Variants in SLC7A14 observed in about 807,000 individuals in gnomAD.
SLC7A14 encodes the protein gamma-aminobutyric acid transporter SLC7A14.
In SLC7A14, 37 loss-of-function variants were observed where a neutral mutation model predicts 60.2. The observed-to-expected ratio is 0.61, with a 90% CI of 0.47 to 0.81. The LOEUF (loss-of-function observed/expected upper bound fraction) is 0.81. SLC7A14 is among the 30% of genes least tolerant of loss of function. SLC7A14 has a pLI of 0.00. For missense variants in SLC7A14, 886 were observed against 982.7 expected, an observed-to-expected ratio of 0.90 and a Z score of 1.32; for synonymous variants, 399 against 395.8, an observed-to-expected ratio of 1.01 and a Z score of -0.10.
rs1713710344 is a variant in SLC7A14, at chr3:170,532,588, G to A, written c.-152-5500C>T. The stretch of plus-strand genomic sequence containing the variant: ...AGGAGTGGAAGAGCTAATACGTGTA[G>A]AGCTTTTAGTACCGCGCCTGGCGTA... On this transcript the variant is annotated intron_variant, in intron 1 of 7. Transcript: ENST00000231706. This position sits in a 1 kb window ranked among gnomAD's most constrained non-coding sequence, Gnocchi z 4.0. Among the ~76,000 whole-genome samples the A allele has an allele frequency of 6.6e-6, 1 of 152,214 alleles. No homozygotes were observed. The highest frequency in any genetic ancestry group is 2.4e-5 in the African/African-American group (1 of 41,458).
Position 170,578,744 on chromosome 3 carries a change from G to A in SLC7A14, c.-153+7167C>T, listed in dbSNP as rs150598971. Reference sequence around the variant, plus strand: ...AATCTTGATTTATGTTTAATTCTTCGGTCTTAAGGAGGCAAATAATGGATT... The same window carrying A: ...AATCTTGATTTATGTTTAATTCTTCAGTCTTAAGGAGGCAAATAATGGATT... On this transcript the variant is annotated intron_variant, in intron 1 of 7. Coordinates refer to ENST00000231706, the MANE Select transcript of SLC7A14 (RefSeq NM_020949.3). Among the ~76,000 whole-genome samples the A allele has an allele frequency of 1.5e-4, 23 of 152,154 alleles. No individual in the cohort carries two copies. In the East Asian group the frequency reaches 3.7e-3, roughly 24 times the overall value.
intron 1 of SLC7A14, among the ~76,000 whole-genome samples, chr3:170,581,001 G>C (rs888562700): frequency 6.6e-6 from 1 of 152,200 alleles, no homozygotes; most frequent in African/African-American, 2.4e-5. Flanking sequence ...CAAAGTGCGG[G>C]AGTAGGTCAT....
intron 4 of SLC7A14, chr3:170,496,162 C>T (rs1335675837): frequency 2.2e-5 from 20 of 908,366 alleles, no homozygotes; most frequent in Admixed American, 6.8e-5. Flanking sequence ...GGCACGTCTG[C>T]GGTGCTGTCC....
chr3:170,570,562 G>T (rs967328498), intron 1 of SLC7A14: 2 of 152,120 alleles, frequency 1.3e-5, no homozygotes, highest in Non-Finnish European at 1.5e-5. Flanking sequence ...ATTAGTTAAT[G>T]GCTTAATGAT....
At position 170,480,526 on chromosome 3, in the gene SLC7A14, C is replaced by T. The variant is rs1200569509; in HGVS notation, c.1756G>A (p.Gly586Ser). ...CTCTGCTCTGAGATGTAGTCAGAAC[C>T]AAAGATGATGAAGGAGCAGAAGATG... The part of the protein sequence containing the change: ...MFIFCSFIIF[G>S]SDYISEQSWW... Residue 586 changes from glycine to serine, a missense_variant, in exon 7 of 8, where the codon GGT becomes AGT. Physicochemically the swap from Gly to Ser is moderately conservative, Grantham distance 56. Transcript: ENST00000231706. 8 of 1,614,132 alleles carry T rather than the reference C, an allele frequency of 5.0e-6. No homozygotes were observed. Among genetic ancestry groups the T allele is most frequent in the Non-Finnish European group, 6.8e-6 (8 of 1,180,024 alleles).
At chr3:170,512,182 C>A (rs1314643738) in intron 2 of SLC7A14, among the ~76,000 whole-genome samples, 1 of 152,150 alleles carries the variant, frequency 6.6e-6, no homozygotes, top group Non-Finnish European at 1.5e-5. Context: ...TACCCCCTGC[C>A]CTGAGATTAC....
intron 2 of SLC7A14, among the ~76,000 whole-genome samples, chr3:170,515,166 A>G (rs566716668): frequency 6.6e-6 from 1 of 152,008 alleles, no homozygotes; most frequent in South Asian, 2.1e-4. Flanking sequence ...TACAAAAATT[A>G]TCCCTGCAGG....
At chr3:170,560,611 G>GA (rs1166772728) in intron 1 of SLC7A14, among the ~76,000 whole-genome samples, 1 of 152,118 alleles carries the variant, frequency 6.6e-6, no homozygotes, top group Non-Finnish European at 1.5e-5. Context: ...CGGATGCACA[G>GA]AAAAAATAAG....
Position 170,483,490 on chromosome 3 carries a change from A to G in SLC7A14, c.939T>C (p.Tyr313=), listed in dbSNP as rs762647253. The G allele has an allele frequency of 6.8e-6, 11 of 1,614,092 alleles. No homozygotes were observed. The highest frequency in any genetic ancestry group is 6.6e-5 in the South Asian group (6 of 91,086). Residue 313 remains tyrosine, a synonymous_variant, in exon 6 of 8, where the codon TAT becomes TAC. Transcript: ENST00000231706. ...GTGGGGATTCCGTGTCAATGGTATAATATGGCACCATCAGAGTTAAGATCA... is the reference window on the plus strand; with the variant it reads ...GTGGGGATTCCGTGTCAATGGTATAGTATGGCACCATCAGAGTTAAGATCA... ...VSVILTLMVP[Y]YTIDTESPLM... is the part of the protein sequence containing the mutation.
chr3:170,485,014 G>A (rs1317304049), intron 5 of SLC7A14, among the ~76,000 whole-genome samples: 8 of 152,076 alleles, frequency 5.3e-5, no homozygotes, highest in Non-Finnish European at 1.2e-4. Flanking sequence ...TGTGATAAGG[G>A]CCCACTCCTG....
At chr3:170,494,638 C>A (rs916963771) in intron 4 of SLC7A14, among the ~76,000 whole-genome samples, 5 of 152,154 alleles carry the variant, frequency 3.3e-5, no homozygotes, top group Non-Finnish European at 7.3e-5. Flanking sequence ...AGAGTGTGTG[C>A]CGTTTGGGTG....
intron 1 of SLC7A14, among the ~76,000 whole-genome samples, chr3:170,550,277 A>C (rs1714305764): frequency 6.6e-6 from 1 of 152,220 alleles, no homozygotes; most frequent in Non-Finnish European, 1.5e-5. Flanking sequence ...CTAGAAGGCA[A>C]TTAATTTGTA....
At chr3:170,498,072 G>T (rs16855149) in intron 4 of SLC7A14, among the ~76,000 whole-genome samples, 57,026 of 152,110 alleles carry the variant, frequency 0.37, 12,535 homozygotes, top group African/African-American at 0.63. Context: ...TTTTCCTAGT[G>T]TCATACCCAG....
intron 1 of SLC7A14, among the ~76,000 whole-genome samples, chr3:170,554,906 C>T (rs1714445823): frequency 2.0e-5 from 3 of 152,108 alleles, no homozygotes; most frequent in African/African-American, 7.2e-5. Context: ...CGGTGGCTCA[C>T]GCCTGTAATC....
At chr3:170,574,730 A>G (rs936437863) in intron 1 of SLC7A14, among the ~76,000 whole-genome samples, 4 of 152,232 alleles carry the variant, frequency 2.6e-5, no homozygotes, top group Non-Finnish European at 5.9e-5. Context: ...GCAATCAGTC[A>G]TTTCTATCCA....
At chr3:170,563,362 C>A (rs777614664) in intron 1 of SLC7A14, among the ~76,000 whole-genome samples, 3 of 151,050 alleles carry the variant, frequency 2.0e-5, no homozygotes, top group Non-Finnish European at 4.4e-5. Context: ...TGCTGGGCCT[C>A]CTGCTGCAAA....
chr3:170,562,048 G>A (rs907506884), intron 1 of SLC7A14, among the ~76,000 whole-genome samples: 2 of 152,236 alleles, frequency 1.3e-5, no homozygotes, highest in Non-Finnish European at 2.9e-5. Context: ...TGGTGGGAAT[G>A]TAAGCTACTA....
In SLC7A14 at chr3:170,566,854, G is replaced by GA. The variant is rs545888172; in HGVS notation, c.-153+19056dup. ...AAAGAAAAGAAAAACAAAACAAAAC[G>GA]AAACAAACCCCAAAGCAAGACTTTT... is the stretch of plus-strand genomic sequence containing the variant. On this transcript the variant is annotated intron_variant, in intron 1 of 7. Transcript: ENST00000231706. 1.0e-3 allele frequency among the ~76,000 whole-genome samples: 153 copies of GA among 151,072 alleles called. 1 individual carries two copies. The highest frequency in any genetic ancestry group is 3.6e-3 in the African/African-American group (150 of 41,216).
Position 170,486,188 on chromosome 3 carries a change from C to G in SLC7A14, c.906+34G>C, listed in dbSNP as rs200988610. Reference sequence around the variant, plus strand: ...AGGGAGCTCAGTGCCAGGGCCACATCGTGAGGAGGGTCCCGCAAGCATCTG... The same window carrying G: ...AGGGAGCTCAGTGCCAGGGCCACATGGTGAGGAGGGTCCCGCAAGCATCTG... On this transcript the variant is annotated intron_variant, in intron 5 of 7. Coordinates refer to ENST00000231706, the MANE Select transcript of SLC7A14 (RefSeq NM_020949.3). 4.1e-5 allele frequency: 66 copies of G among 1,611,090 alleles called. No homozygotes were observed. In the African/African-American group the frequency reaches 7.7e-4, roughly 19 times the overall value.
Sources: gnomAD v4.1 joint callset for allele counts (sites outside exome capture counted in the v4.1 genomes callset) on GRCh38, gnomAD v4.1.1 for gene constraint, Gnocchi (gnomAD v3.1) non-coding constraint, MANE v1.5 for transcripts, NCBI Gene and HGNC (gene_info 2026-07-23, HGNC 2026-07-21) for gene names.